BPTF: variants seen among roughly 807,000 people sequenced by gnomAD.
The protein encoded by BPTF is nucleosome-remodeling factor subunit BPTF.
In BPTF, 18 loss-of-function variants were observed where a neutral mutation model predicts 292.5. That is an observed-to-expected ratio of 0.06 (90% CI 0.04 to 0.09). The LOEUF is 0.09. Among genes scored for constraint, BPTF ranks in the 10% least tolerant of loss-of-function variants. BPTF has a pLI of 1.00. For synonymous variants in BPTF, 1,225 were observed against 1,251.9 expected, an observed-to-expected ratio of 0.98 and a Z score of 0.45; for missense variants, 2,726 against 3,498.7, an observed-to-expected ratio of 0.78 and a Z score of 5.57.
At chr17:67,944,495 C>T in intron 20 of BPTF, 123 bp downstream of exon 20, 1 of 1,057,586 alleles carries the variant, frequency 9.5e-7, no homozygotes, top group Non-Finnish European at 1.4e-6. Flanking sequence ...GTGACCTCAA[C>T]AGTTGACATA....
At chr17:67,960,674 AC>A (rs1467508927) in intron 24 of BPTF, among the ~76,000 whole-genome samples, 1 of 152,252 alleles carries the variant, frequency 6.6e-6, no homozygotes, top group African/African-American at 2.4e-5. Context: ...TTTTTACAGG[AC>A]CAAAAAGTCT....
At chr17:67,828,758 C>T (rs1293245336) in intron 1 of BPTF, among the ~76,000 whole-genome samples, 1 of 152,142 alleles carries the variant, frequency 6.6e-6, no homozygotes, top group Non-Finnish European at 1.5e-5. Flanking sequence ...GAACTCCCGA[C>T]CTCAGTTGAT....
At position 67,960,891 on chromosome 17, in the gene BPTF, C is replaced by T. The variant is rs145540991; in HGVS notation, c.8261+1016C>T. Reference sequence around the variant, plus strand: ...ATGCCAAATGAAAACTCTTTGTTGGCAGATTGAGCTGTGTGCTGAATTAAA... The same window carrying T: ...ATGCCAAATGAAAACTCTTTGTTGGTAGATTGAGCTGTGTGCTGAATTAAA... On this transcript the variant is annotated intron_variant, in intron 24 of 27. Coordinates refer to ENST00000306378, the MANE Select transcript of BPTF (RefSeq NM_182641.4). 1.8e-4 allele frequency among the ~76,000 whole-genome samples: 27 copies of T among 152,256 alleles called. No homozygotes were observed. The East Asian group carries it at 1.9e-3, about 11-fold the overall frequency.
At chr17:67,826,662 A>G (rs1486373660) in intron 1 of BPTF, among the ~76,000 whole-genome samples, 1 of 150,762 alleles carries the variant, frequency 6.6e-6, no homozygotes, top group Non-Finnish European at 1.5e-5. Flanking sequence ...AACTTTGGCA[A>G]ACACATATCC....
chr17:67,896,163 C>T (rs1165958863), intron 7 of BPTF, among the ~76,000 whole-genome samples: 2 of 152,198 alleles, frequency 1.3e-5, no homozygotes, highest in Non-Finnish European at 2.9e-5. Flanking sequence ...GGGGTTTCAC[C>T]GTGTTAGCCA....
chr17:67,893,996 C>G, intron 6 of BPTF, 38 bp from the exon 7 acceptor site: 1 of 1,604,140 alleles, frequency 6.2e-7, no homozygotes, highest in Non-Finnish European at 8.5e-7. Flanking sequence ...TAAGGTCAAC[C>G]TAGTGAAATA....
rs376065153 is a variant in BPTF at position 67,936,089 on chromosome 17, A to G, written c.6259+4070A>G. The stretch of plus-strand genomic sequence containing the variant: ...ACAGGTATAGTTCTTGGAAATGGGT[A>G]GGAAATAATTTTCTTACTATAAAAC... On this transcript the variant is annotated intron_variant, in intron 18 of 27. Transcript: ENST00000306378. 2.6e-5 allele frequency among the ~76,000 whole-genome samples: 4 copies of G among 152,330 alleles called. No individual in the cohort carries two copies. In the East Asian group the frequency reaches 5.8e-4, roughly 22 times the overall value.
intron 1 of BPTF, among the ~76,000 whole-genome samples, chr17:67,838,754 G>T (rs1202971467): frequency 6.6e-6 from 1 of 152,186 alleles, no homozygotes; most frequent in Non-Finnish European, 1.5e-5. Context: ...GGGATTACAG[G>T]CGTGAGCCAC....
chr17:67,954,603 C>A (rs1174496613), intron 23 of BPTF, among the ~76,000 whole-genome samples: 1 of 152,162 alleles, frequency 6.6e-6, no homozygotes, highest in African/African-American at 2.4e-5. Context: ...CAGTTTTAGT[C>A]CTGCTCACAG....
chr17:67,835,908 G>A (rs1358579823), intron 1 of BPTF, among the ~76,000 whole-genome samples: 4 of 151,828 alleles, frequency 2.6e-5, no homozygotes, highest in East Asian at 1.9e-4. Flanking sequence ...CTTGTGATCC[G>A]CCCACCTCAG....
intron 26 of BPTF, among the ~76,000 whole-genome samples, chr17:67,967,677 G>A (rs1400351802): frequency 6.6e-6 from 1 of 152,024 alleles, no homozygotes; most frequent in Admixed American, 6.6e-5. Context: ...AAATTAGCCA[G>A]TTGTGGTGGC....
chr17:67,889,200 C>T (rs777268997), intron 4 of BPTF, among the ~76,000 whole-genome samples: 3 of 152,110 alleles, frequency 2.0e-5, no homozygotes, highest in Non-Finnish European at 4.4e-5. Flanking sequence ...GGCCTTTGGG[C>T]AGAGGGTGTT....
chr17:67,898,912 AC>A (rs2061632738), intron 7 of BPTF, among the ~76,000 whole-genome samples: 1 of 134,228 alleles, frequency 7.5e-6, no homozygotes, highest in Non-Finnish European at 1.6e-5. Flanking sequence ...ACAGAGTGAT[AC>A]CCTGTCTCAA....
chr17:67,896,111 C>T (rs1216305998), intron 7 of BPTF, among the ~76,000 whole-genome samples: 1 of 152,084 alleles, frequency 6.6e-6, no homozygotes, highest in African/African-American at 2.4e-5. Context: ...TATAGGCACC[C>T]ACCACTATGC....
At chr17:67,935,427 CAAAAAAA>C (rs1387545986) in intron 18 of BPTF, among the ~76,000 whole-genome samples, 6 of 144,692 alleles carry the variant, frequency 4.1e-5, no homozygotes, top group Admixed American at 2.8e-4. Flanking sequence ...AACCCTGTCT[CAAAAAAA>C]GAAAAAAGGA....
chr17:67,894,102 T>G lies in BPTF; in HGVS notation c.2480T>G (p.Leu827Trp). 6.2e-7 allele frequency: 1 copy of G among 1,614,164 alleles called. No individual in the cohort carries two copies. Among genetic ancestry groups the G allele is most frequent in the East Asian group, 2.2e-5 (1 of 44,878 alleles). ...GAATTTGCATTGGCTTTAGCCATTT[T>G]GGAGTGTGCAGTTAAACCAGTTGTG... ...PREFALALAI[L>W]ECAVKPVVML... The change falls in exon 7 of 28, where the codon TTG (leucine) becomes TGG (tryptophan). Residue 827 changes from leucine to tryptophan, a missense_variant. By Grantham distance (61) the Leu-to-Trp change is moderately conservative. Around this residue, in one of 22 missense-constraint regions of BPTF, gnomAD observed 99 missense variants for 227.1 expected, o/e 0.44. Transcript: ENST00000306378.
At chr17:67,927,999 T>G (rs1196077526) in intron 15 of BPTF, among the ~76,000 whole-genome samples, 2 of 152,138 alleles carry the variant, frequency 1.3e-5, no homozygotes, top group Non-Finnish European at 2.9e-5. Flanking sequence ...TTCTTCTGCC[T>G]CAGCCTCCCG....
At chr17:67,837,923 C>T (rs543246636) in intron 1 of BPTF, among the ~76,000 whole-genome samples, 1 of 152,270 alleles carries the variant, frequency 6.6e-6, no homozygotes, top group South Asian at 2.1e-4. Context: ...TGGAAAGTAC[C>T]ATGGAAATGG....
chr17:67,943,078 A>G (rs1367507184), intron 19 of BPTF, among the ~76,000 whole-genome samples: 1 of 152,160 alleles, frequency 6.6e-6, no homozygotes, highest in Non-Finnish European at 1.5e-5. Context: ...ATACAGTGTT[A>G]TCATCAAAGT....
Sources: allele counts gnomAD v4.1 joint callset (sites outside exome capture counted in the v4.1 genomes callset), GRCh38; gene constraint gnomAD v4.1.1; regional missense constraint gnomAD v4.1.1; transcripts MANE v1.5; gene names NCBI Gene and HGNC (gene_info 2026-07-23, HGNC 2026-07-21).